FAM3B: variants seen among roughly 807,000 people sequenced by gnomAD.
FAM3B encodes the protein FAM3 metabolism regulating signaling molecule B, also known as protein FAM3B.
In FAM3B, 29 loss-of-function variants were observed where a neutral mutation model predicts 28.4. The observed-to-expected ratio is 1.02, with a 90% CI of 0.76 to 1.39. FAM3B has a LOEUF of 1.39. Ranked by LOEUF, FAM3B falls within the 40% of genes most tolerant of loss-of-function variation. The pLI is 0.00. For missense variants in FAM3B, 266 were observed against 293.9 expected, an observed-to-expected ratio of 0.91 and a Z score of 0.69; for synonymous variants, 91 against 103.0, an observed-to-expected ratio of 0.88 and a Z score of 0.71.
intron 2 of FAM3B, among the ~76,000 whole-genome samples, chr21:41,323,421 G>A (rs1387160436): frequency 6.6e-6 from 1 of 152,212 alleles, no homozygotes. Flanking sequence ...GGACTGAAGA[G>A]CTGTTGGAAA....
At chr21:41,345,758 A>C (rs1363209119) in intron 5 of FAM3B, 22 bp downstream of exon 5, 2 of 1,408,262 alleles carry the variant, frequency 1.4e-6, no homozygotes, top group Non-Finnish European at 2.0e-6. Flanking sequence ...TTTTCTGTTA[A>C]AATTCAAATG....
chr21:41,313,248 C>T (rs2088725866), upstream of FAM3B, among the ~76,000 whole-genome samples: 1 of 152,202 alleles, frequency 6.6e-6, no homozygotes. Context: ...CAGTAAAATA[C>T]ACAAATCCTT....
chr21:41,316,947 C>A, intron 1 of FAM3B, 49 bp downstream of exon 1: 7 of 1,286,142 alleles, frequency 5.4e-6, no homozygotes, highest in Non-Finnish European at 6.9e-6. Flanking sequence ...GGAAGGAGGA[C>A]CCCAGGGGAA....
chr21:41,339,988 A>G (rs1483727921), intron 3 of FAM3B, among the ~76,000 whole-genome samples: 1 of 152,114 alleles, frequency 6.6e-6, no homozygotes, highest in African/African-American at 2.4e-5. Context: ...CAGATGGTGT[A>G]ATTCTCAGTT....
intron 1 of FAM3B, among the ~76,000 whole-genome samples, chr21:41,304,735 C>T (rs1262873556): frequency 6.6e-6 from 1 of 152,146 alleles, no homozygotes; most frequent in Admixed American, 6.5e-5. Context: ...GGGAGGGTGA[C>T]GCCTGGGGAT....
chr21:41,316,132 T>TA (rs2088746961), upstream of FAM3B, among the ~76,000 whole-genome samples: 1 of 152,214 alleles, frequency 6.6e-6, no homozygotes, highest in African/African-American at 2.4e-5. Flanking sequence ...AGAGAGGAGC[T>TA]ATTCCTGTTT....
chr21:41,325,047 A>G (rs981277979), intron 2 of FAM3B, among the ~76,000 whole-genome samples: 27 of 152,366 alleles, frequency 1.8e-4, no homozygotes, highest in African/African-American at 6.3e-4. Flanking sequence ...GGTTGCAGTC[A>G]GCCAAGATTG....
chr21:41,354,300 A>G (rs970890118), intron 7 of FAM3B, among the ~76,000 whole-genome samples: 1 of 152,210 alleles, frequency 6.6e-6, no homozygotes, highest in Non-Finnish European at 1.5e-5. Flanking sequence ...TTCCTAACAA[A>G]TTATATTTGT....
At chr21:41,330,068 A>C (rs1467554514) in intron 2 of FAM3B, among the ~76,000 whole-genome samples, 1 of 150,202 alleles carries the variant, frequency 6.7e-6, no homozygotes, top group Non-Finnish European at 1.5e-5. Flanking sequence ...TATATTGTTA[A>C]TTGTTGTTAA....
intron 2 of FAM3B, among the ~76,000 whole-genome samples, chr21:41,328,991 C>G (rs2088880492): frequency 6.6e-6 from 1 of 152,238 alleles, no homozygotes; most frequent in South Asian, 2.1e-4. Flanking sequence ...TGCTGTTCAC[C>G]CTGGTCATGA....
intron 7 of FAM3B, among the ~76,000 whole-genome samples, chr21:41,352,573 T>C (rs2089130215): frequency 6.6e-6 from 1 of 152,054 alleles, no homozygotes; most frequent in African/African-American, 2.4e-5. Context: ...GGCAGGCGGA[T>C]CACGAGGTCA....
rs1168140562 is a variant in FAM3B at position 41,311,251 on chromosome 21, AATATATATATATATATATATATATATAT to A, written n.99+6960_99+6987del. ...CCTGTCTCTACAAAAAAAAAAAAAAAATATATATATATATATATATATATATATATATATATATATATATATGTATATA... is the reference window on the plus strand; with the variant it reads ...CCTGTCTCTACAAAAAAAAAAAAAAAATATATATATATATATATGTATATA... On this transcript the variant is annotated intron_variant and non_coding_transcript_variant, in intron 1 of 9. Transcript: ENST00000479810. 2.1e-3 allele frequency among the ~76,000 whole-genome samples: 74 copies of A among 35,074 alleles called. 2 individuals are homozygous for A. Among genetic ancestry groups the A allele is most frequent in the African/African-American group, 6.2e-3 (52 of 8,344 alleles). The allele number at this position is 35,074 out of a possible 152,430, so 23.0% of individuals were successfully genotyped here.
intron 1 of FAM3B, among the ~76,000 whole-genome samples, chr21:41,309,631 A>T (rs1302542233): frequency 6.6e-6 from 1 of 152,156 alleles, no homozygotes; most frequent in Non-Finnish European, 1.5e-5. Flanking sequence ...ACCTTTCCAA[A>T]TGAGAGCCAT....
Position 41,347,087 on chromosome 21 carries a change from G to A in FAM3B, c.472G>A (p.Asp158Asn), listed in dbSNP as rs779095124. 24 of 1,614,030 alleles carry A rather than the reference G, an allele frequency of 1.5e-5. No homozygotes were observed. Among genetic ancestry groups the A allele is most frequent in the Middle Eastern group, 1.6e-4 (1 of 6,084 alleles). ...CCTGCTCTTCATGGTGACCTATGAC[G>A]ACGGAAGCACAAGGTGAGTGGGTGT... ...KSLLFMVTYD[D>N]GSTRLNNDAK... Residue 158 changes from aspartate to asparagine, a missense_variant, in exon 6 of 8, where the codon GAC (aspartate) becomes AAC (asparagine). Transcript: ENST00000357985.
rs141142640 is a variant in FAM3B at position 41,334,529 on chromosome 21, G to A, written c.164-3849G>A. Reference sequence around the variant, plus strand: ...CAGAGGGTGCAGGCCATAAGCCTGGGGGGTATTCACATGATATTAAGCCTG... The same window carrying A: ...CAGAGGGTGCAGGCCATAAGCCTGGAGGGTATTCACATGATATTAAGCCTG... On this transcript the variant is annotated intron_variant, in intron 2 of 7. Coordinates refer to ENST00000357985, the MANE Select transcript of FAM3B (RefSeq NM_058186.4). Among the ~76,000 whole-genome samples the A allele has an allele frequency of 4.7e-4, 72 of 152,296 alleles. 1 individual carries two copies. The highest frequency in any genetic ancestry group is 7.5e-4 in the Non-Finnish European group (51 of 68,024).
intron 3 of FAM3B, among the ~76,000 whole-genome samples, chr21:41,343,588 G>A (rs553110183): frequency 2.6e-5 from 4 of 152,256 alleles, no homozygotes; most frequent in South Asian, 2.1e-4. Context: ...TTCCGTGTTC[G>A]CTATTCCAAA....
At chr21:41,312,574 G>A (rs1449279056), upstream of FAM3B, among the ~76,000 whole-genome samples, 2 of 152,142 alleles carry the variant, frequency 1.3e-5, no homozygotes, top group South Asian at 4.1e-4. Context: ...GGATACAAAA[G>A]AAATAAAACA....
In FAM3B at chr21:41,322,814, G is replaced by A. The variant is rs766947811; in HGVS notation, c.20-109G>A. ...CCAGGAGCACAGTGCCTATAGCGCA[G>A]TCCCCTGACACTGGGCCGGGATGAA... On this transcript the variant is annotated intron_variant, in intron 1 of 7. Coordinates refer to ENST00000357985, the MANE Select transcript of FAM3B (RefSeq NM_058186.4). The A allele has an allele frequency of 1.9e-6, 3 of 1,558,570 alleles. No individual in the cohort carries two copies. The Admixed American group carries it at 5.1e-5, about 27-fold the overall frequency.
chr21:41,308,782 G>A (rs58981970), intron 1 of FAM3B, among the ~76,000 whole-genome samples: 22,450 of 151,940 alleles, frequency 0.15, 1,903 homozygotes, highest in Admixed American at 0.22. Flanking sequence ...TAGGTGATCC[G>A]CCTGCCTCGG....
Sources: allele counts gnomAD v4.1 joint callset (sites outside exome capture counted in the v4.1 genomes callset), GRCh38; gene constraint gnomAD v4.1.1; transcripts MANE v1.5; gene names NCBI Gene and HGNC (gene_info 2026-07-23, HGNC 2026-07-21).